The following ADAM18 variants were observed in gnomAD, a reference collection of about 807,000 sequenced individuals.
The protein encoded by ADAM18 is ADAM metallopeptidase domain 18, also known as disintegrin and metalloproteinase domain-containing protein 18.
In ADAM18, 117 loss-of-function variants were observed where a neutral mutation model predicts 94.4. The ratio of observed to expected loss-of-function variants is 1.24; its 90% CI spans 1.07 to 1.45. The LOEUF (loss-of-function observed/expected upper bound fraction) is 1.45, where lower values mean the gene tolerates loss of function less well. Among genes scored for constraint, ADAM18 ranks in the 40% most tolerant of loss-of-function variants. The pLI is 0.00. For synonymous variants in ADAM18, 327 were observed against 291.6 expected (o/e 1.12, Z -1.24); for missense variants, 936 against 880.0 (o/e 1.06, Z -0.81).
At chr8:39,614,417 A>T (rs141241263) in intron 6 of ADAM18, among the ~76,000 whole-genome samples, 3 of 152,330 alleles carry the variant, frequency 2.0e-5, no homozygotes, top group African/African-American at 7.2e-5. Flanking sequence ...CAGACAAGCA[A>T]ATGCAGAGAG....
intron 18 of ADAM18, among the ~76,000 whole-genome samples, chr8:39,719,413 A>G (rs1373933903): frequency 1.3e-5 from 2 of 151,422 alleles, no homozygotes; most frequent in South Asian, 2.1e-4. Context: ...TTGAGCGCAG[A>G]TTTTGTAGAT....
Position 39,628,836 on chromosome 8 carries a change from A to G in ADAM18, c.523-538A>G, listed in dbSNP as rs151234581. ...AATGTAAAATATCAGAAATAATTCA[A>G]TAGGTCCAGAGCATAGGCTTTGTGT... On this transcript the variant is annotated intron_variant, in intron 6 of 19. Coordinates refer to ENST00000265707, the MANE Select transcript of ADAM18 (RefSeq NM_014237.3). Among the ~76,000 whole-genome samples the G allele has an allele frequency of 1.3e-3, 201 of 152,238 alleles. 1 individual carries two copies. The highest frequency in any genetic ancestry group is 4.6e-3 in the African/African-American group (190 of 41,592).
intron 12 of ADAM18, among the ~76,000 whole-genome samples, chr8:39,652,175 A>G (rs1364667020): frequency 6.6e-6 from 1 of 152,158 alleles, no homozygotes; most frequent in African/African-American, 2.4e-5. Context: ...AAACACAGAC[A>G]GCAAAAGCAA....
intron 17 of ADAM18, among the ~76,000 whole-genome samples, chr8:39,700,986 C>T (rs915505911): frequency 1.0e-4 from 15 of 149,248 alleles, no homozygotes; most frequent in Non-Finnish European, 2.1e-4. Context: ...GGCGTAGTGG[C>T]GGGCGCCTGT....
chr8:39,590,981 G>C (rs1192318073), intron 2 of ADAM18, among the ~76,000 whole-genome samples: 2 of 152,112 alleles, frequency 1.3e-5, no homozygotes, highest in Admixed American at 6.5e-5. Flanking sequence ...CACACAAACT[G>C]GTATCCCAGT....
chr8:39,654,220 C>G (rs575603773), intron 12 of ADAM18, among the ~76,000 whole-genome samples: 1 of 141,488 alleles, frequency 7.1e-6, no homozygotes, highest in East Asian at 2.0e-4. Context: ...TGCAGTGGCG[C>G]GATCTCAGCT....
intron 14 of ADAM18, among the ~76,000 whole-genome samples, chr8:39,672,803 G>GTT (rs1821191333): frequency 6.6e-6 from 1 of 152,162 alleles, no homozygotes. Context: ...TTAAAAACTA[G>GTT]TGGACACAGA....
At chr8:39,612,111 A>T (rs1819293720) in intron 6 of ADAM18, among the ~76,000 whole-genome samples, 1 of 152,100 alleles carries the variant, frequency 6.6e-6, no homozygotes, top group Non-Finnish European at 1.5e-5. Context: ...CAGCTAAAAG[A>T]AATAATGTGG....
At chr8:39,587,078 G>A (rs1460716306) in intron 2 of ADAM18, among the ~76,000 whole-genome samples, 1 of 152,076 alleles carries the variant, frequency 6.6e-6, no homozygotes, top group Non-Finnish European at 1.5e-5. Context: ...AGTTATAATT[G>A]ATATAAAAAT....
At chr8:39,716,612 T>C (rs941975842) in intron 18 of ADAM18, among the ~76,000 whole-genome samples, 3 of 151,988 alleles carry the variant, frequency 2.0e-5, no homozygotes, top group African/African-American at 7.2e-5. Context: ...TTTTATGATA[T>C]AACATTTGAT....
Position 39,644,616 on chromosome 8 carries a change from C to T in ADAM18, c.910-722C>T, listed in dbSNP as rs546223758. 2.4e-4 allele frequency among the ~76,000 whole-genome samples: 37 copies of T among 152,194 alleles called. No individual in the cohort carries two copies. In the South Asian group the frequency reaches 6.4e-3, roughly 26 times the overall value. ...ATTTCTTTACTGTGATTGTGTCTGA[C>T]TCTCTGGCTTCTGTCCTGTCATTTC... On this transcript the variant is annotated intron_variant, in intron 10 of 19. Transcript: ENST00000265707.
chr8:39,620,848 C>G (rs563413526), intron 6 of ADAM18, among the ~76,000 whole-genome samples: 2 of 151,348 alleles, frequency 1.3e-5, no homozygotes, highest in Non-Finnish European at 2.9e-5. Flanking sequence ...GAATGATAGA[C>G]AATAGAGATT....
Position 39,725,203 on chromosome 8 carries a change from G to A in ADAM18, c.2177+1296G>A, listed in dbSNP as rs371175228. ...GGAAGTATAATTGATATACAAATAC[G>A]TATACATACTTAATATATACATCTT... is the stretch of plus-strand genomic sequence containing the variant. On this transcript the variant is annotated intron_variant, in intron 19 of 19. Coordinates refer to ENST00000265707, the MANE Select transcript of ADAM18 (RefSeq NM_014237.3). Among the ~76,000 whole-genome samples, 186 of 151,958 alleles carry A rather than the reference G, an allele frequency of 1.2e-3. 4 individuals carry two copies. Among genetic ancestry groups the A allele is most frequent in the African/African-American group, 4.3e-3 (177 of 41,460 alleles).
rs930562294 is a variant in ADAM18 at position 39,621,520 on chromosome 8, T to C, written c.523-7854T>C. Among the ~76,000 whole-genome samples, 29 of 151,874 alleles carry C rather than the reference T, an allele frequency of 1.9e-4. 1 individual carries two copies. The highest frequency in any genetic ancestry group is 1.6e-3 in the Admixed American group (24 of 15,260). ...AAATAAAAATAATCTATTAATATAA[T>C]AATAATTTTGGAAGTTAATTTTATT... is the stretch of plus-strand genomic sequence containing the variant. On this transcript the variant is annotated intron_variant, in intron 6 of 19. Coordinates refer to ENST00000265707, the MANE Select transcript of ADAM18 (RefSeq NM_014237.3).
intron 17 of ADAM18, among the ~76,000 whole-genome samples, chr8:39,696,711 T>G (rs1347488374): frequency 6.6e-6 from 1 of 151,598 alleles, no homozygotes; most frequent in Admixed American, 6.6e-5. Flanking sequence ...CTCTCTATTC[T>G]CCATTTGTCT....
chr8:39,691,635 A>G (rs757177517), intron 16 of ADAM18, among the ~76,000 whole-genome samples: 1 of 152,106 alleles, frequency 6.6e-6, no homozygotes, highest in African/African-American at 2.4e-5. Flanking sequence ...CACACAACAG[A>G]ATCATTATTT....
At chr8:39,695,027 T>A (rs1253470704) in intron 17 of ADAM18, among the ~76,000 whole-genome samples, 1 of 151,528 alleles carries the variant, frequency 6.6e-6, no homozygotes, top group African/African-American at 2.4e-5. Flanking sequence ...TATTTATTTA[T>A]GATCCCTCCA....
intron 18 of ADAM18, among the ~76,000 whole-genome samples, chr8:39,711,323 C>T (rs1427742856): frequency 1.3e-5 from 2 of 152,068 alleles, no homozygotes; most frequent in African/African-American, 4.8e-5. Flanking sequence ...TTATGACAGT[C>T]AAATAGCCAA....
intron 7 of ADAM18, among the ~76,000 whole-genome samples, chr8:39,636,353 C>T (rs1820076389): frequency 6.6e-6 from 1 of 152,012 alleles, no homozygotes; most frequent in South Asian, 2.1e-4. Flanking sequence ...TTACAGAATC[C>T]ACTTTAATAG....
Sources: allele counts gnomAD v4.1 joint callset (sites outside exome capture counted in the v4.1 genomes callset), GRCh38; gene constraint gnomAD v4.1.1; transcripts MANE v1.5; gene names NCBI Gene and HGNC (gene_info 2026-07-23, HGNC 2026-07-21).